The following R3HDM1 variants were observed in gnomAD, a reference collection of about 807,000 sequenced individuals.
R3HDM1 encodes R3H domain-containing protein 1.
In R3HDM1, 46 loss-of-function variants were observed where a neutral mutation model predicts 141.1. The ratio of observed to expected loss-of-function variants is 0.33; its 90% CI spans 0.26 to 0.42. The LOEUF is 0.42. Among genes scored for constraint, R3HDM1 ranks in the 10% least tolerant of loss-of-function variants. The probability of loss-of-function intolerance (pLI) is 1.00; values close to 1 mark genes in which losing one functional copy is unlikely to be tolerated. For synonymous variants in R3HDM1, 435 were observed against 472.9 expected, an observed-to-expected ratio of 0.92 and a Z score of 1.04; for missense variants, 1,184 against 1,368.3, an observed-to-expected ratio of 0.87 and a Z score of 2.12.
At chr2:135,603,187 G>C (rs1240413190) in intron 2 of R3HDM1, among the ~76,000 whole-genome samples, 3 of 151,962 alleles carry the variant, frequency 2.0e-5, no homozygotes, top group Non-Finnish European at 4.4e-5. Flanking sequence ...ATGGGGTTTC[G>C]CCATGTTGGC....
At chr2:135,643,152 A>G (rs1320054483) in intron 15 of R3HDM1, among the ~76,000 whole-genome samples, 3 of 152,146 alleles carry the variant, frequency 2.0e-5, no homozygotes, top group African/African-American at 4.8e-5. Context: ...CAGTATTACA[A>G]TACATTTAAC....
intron 1 of R3HDM1, among the ~76,000 whole-genome samples, chr2:135,569,574 A>G (rs1703585805): frequency 6.6e-6 from 1 of 152,196 alleles, no homozygotes; most frequent in African/African-American, 2.4e-5. Flanking sequence ...CACTTCAGAT[A>G]CTAGACTCTA....
At chr2:135,721,880 GC>G in intron 24 of R3HDM1, 43 bp from the exon 25 acceptor site, 1 of 1,552,122 alleles carries the variant, frequency 6.4e-7, no homozygotes, top group Non-Finnish European at 8.9e-7. Flanking sequence ...GAACCACCGT[GC>G]CCGGCCTCTG....
At chr2:135,674,545 C>T (rs1239929133) in intron 19 of R3HDM1, among the ~76,000 whole-genome samples, 15 of 152,142 alleles carry the variant, frequency 9.9e-5, no homozygotes, top group Admixed American at 9.8e-4. Flanking sequence ...AGACAAAATA[C>T]AATTCGTATT....
intron 1 of R3HDM1, chr2:135,536,790 G>A: frequency 2.3e-6 from 2 of 861,532 alleles, no homozygotes; most frequent in Non-Finnish European, 2.8e-6. Flanking sequence ...GGTGTGCAGT[G>A]GACCGGTGAA....
chr2:135,604,765 T>G (rs1183237893), intron 2 of R3HDM1, 41 bp from the exon 3 acceptor site: 1 of 1,443,868 alleles, frequency 6.9e-7, no homozygotes, highest in East Asian at 2.3e-5. Flanking sequence ...AGTAACTGAA[T>G]GTAAAAAAGT....
chr2:135,560,146 T>TA (rs975606082), intron 1 of R3HDM1, among the ~76,000 whole-genome samples: 4 of 152,206 alleles, frequency 2.6e-5, no homozygotes, highest in African/African-American at 9.6e-5. Context: ...TTTTCCACTC[T>TA]AAACCACTTA....
chr2:135,561,418 T>C (rs1258498692), intron 1 of R3HDM1: 1 of 863,392 alleles, frequency 1.2e-6, no homozygotes, highest in Non-Finnish European at 1.4e-6. Flanking sequence ...AATGACATTT[T>C]AAAAAATGTT....
rs1161232891 is a variant in R3HDM1 at position 135,635,880 on chromosome 2, G to T, written c.699-10G>T. ...TTCCTGTTCCTTTGTTTTTGTTTTT[G>T]TTTTTTAAGACCTGATCAGAAATTT... On this transcript the variant is annotated splice_polypyrimidine_tract_variant and intron_variant, in intron 9 of 26. Transcript: ENST00000683871. The T allele has an allele frequency of 1.1e-5, 17 of 1,566,028 alleles. No homozygotes were observed. Among genetic ancestry groups the T allele is most frequent in the African/African-American group, 2.8e-5 (2 of 72,202 alleles).
Position 135,645,478 on chromosome 2 carries a change from C to T in R3HDM1, c.1574C>T (p.Pro525Leu). The T allele has an allele frequency of 2.5e-6, 4 of 1,614,126 alleles. No individual in the cohort carries two copies. Among genetic ancestry groups the T allele is most frequent in the African/African-American group, 1.3e-5 (1 of 75,030 alleles). ...CAAGTGCCTGGACCTCCACAGCCAC[C>T]TCTGCCAGCCCCACCTCAACAACCA... ...RSQVPGPPQP[P>L]LPAPPQQPAA... is the part of the protein sequence containing the mutation. The change falls in exon 16 of 27, where the codon CCT becomes CTT. Residue 525 changes from proline to leucine, a missense_variant. Physicochemically the swap from Pro to Leu is moderately conservative, Grantham distance 98. Around this residue, in one of 5 missense-constraint regions of R3HDM1, gnomAD observed 563 missense variants for 562.0 expected, o/e 1.00. Transcript: ENST00000683871.
At chr2:135,560,708 T>C (rs1429698694) in intron 1 of R3HDM1, among the ~76,000 whole-genome samples, 1 of 152,188 alleles carries the variant, frequency 6.6e-6, no homozygotes, top group Non-Finnish European at 1.5e-5. Flanking sequence ...GGTAGAGACT[T>C]GAGGTGCTTA....
intron 9 of R3HDM1, chr2:135,633,948 GTC>G (rs2062984480): frequency 6.6e-6 from 1 of 152,178 alleles, no homozygotes; most frequent in African/African-American, 2.4e-5. Context: ...TGGAATAGCA[GTC>G]TCTCGTTCAA....
chr2:135,624,191 C>T (rs1167962606), intron 7 of R3HDM1, among the ~76,000 whole-genome samples: 1 of 151,972 alleles, frequency 6.6e-6, no homozygotes, highest in African/African-American at 2.4e-5. Context: ...GTCAGGAGAT[C>T]GAGACCATCC....
intron 1 of R3HDM1, chr2:135,549,942 A>T (rs907191865): frequency 5.4e-6 from 5 of 929,584 alleles, no homozygotes; most frequent in African/African-American, 5.4e-5. Flanking sequence ...TGACACAAAG[A>T]TGTGTAACTT....
In R3HDM1 at chr2:135,575,402, G is replaced by A. The variant is rs1288788386; in HGVS notation, c.-249-27098G>A. 3.9e-5 allele frequency among the ~76,000 whole-genome samples: 6 copies of A among 152,142 alleles called. No homozygotes were observed. In the East Asian group the frequency reaches 1.2e-3, roughly 29 times the overall value. On this transcript the variant is annotated intron_variant, in intron 1 of 26. Transcript: ENST00000683871. Reference sequence around the variant, plus strand: ...TCACCATGTTGGCCAGGCTGGTCTCGAACTCCTGACCTCAGGTGATCCACC... The same window carrying A: ...TCACCATGTTGGCCAGGCTGGTCTCAAACTCCTGACCTCAGGTGATCCACC...
Position 135,721,940 on chromosome 2 carries a change from A to G in R3HDM1, c.2898A>G (p.Pro966=). ...FVPGQGDSRY[P]LLGQPLQYNP... ...GACTTTCAGGAGATTCCAGGTATCC[A>G]TTACTTGGCCAGCCACTGCAGTACA... The change falls in exon 25 of 27, where the codon CCA becomes CCG. Residue 966 remains proline, a synonymous_variant. Transcript: ENST00000683871. 6 of 1,613,516 alleles carry G rather than the reference A, an allele frequency of 3.7e-6. No homozygotes were observed. The highest frequency in any genetic ancestry group is 1.6e-4 in the Middle Eastern group (1 of 6,062).
intron 1 of R3HDM1, among the ~76,000 whole-genome samples, chr2:135,571,691 A>G (rs533711182): frequency 6.6e-6 from 1 of 152,236 alleles, no homozygotes; most frequent in Non-Finnish European, 1.5e-5. Flanking sequence ...CAGTGGCACA[A>G]TCACAGCTCA....
At chr2:135,652,737 G>T (rs2105282310) in intron 18 of R3HDM1, among the ~76,000 whole-genome samples, 1 of 152,202 alleles carries the variant, frequency 6.6e-6, no homozygotes, top group Middle Eastern at 3.4e-3. Flanking sequence ...TCGCATGTTT[G>T]CCAGAATTCA....
At chr2:135,681,811 A>G (rs996364180) in intron 21 of R3HDM1, among the ~76,000 whole-genome samples, 12 of 152,046 alleles carry the variant, frequency 7.9e-5, no homozygotes, top group Admixed American at 2.6e-4. Flanking sequence ...TACCTGTTAT[A>G]TAGTTACCCA....
Sources: gnomAD v4.1 joint callset for allele counts (sites outside exome capture counted in the v4.1 genomes callset) on GRCh38, gnomAD v4.1.1 for gene constraint, gnomAD v4.1.1 regional missense constraint, MANE v1.5 for transcripts, NCBI Gene and HGNC (gene_info 2026-07-23, HGNC 2026-07-21) for gene names.